USP7: variants seen among roughly 807,000 people sequenced by gnomAD.
USP7 encodes ubiquitin specific peptidase 7, also known as ubiquitin C-terminal hydrolase 7.
In USP7, 9 loss-of-function variants were observed where a neutral mutation model predicts 162.9. The observed-to-expected ratio is 0.06, with a 90% confidence interval of 0.03 to 0.10. USP7 has a LOEUF of 0.10. Among genes scored for constraint, USP7 ranks in the 10% least tolerant of loss-of-function variants. The pLI is 1.00. For missense variants in USP7, 715 were observed against 1,373.7 expected (o/e 0.52, Z 7.58); for synonymous variants, 562 against 475.9 (o/e 1.18, Z -2.35).
At chr16:8,894,169 T>C (rs893433414) in intron 30 of USP7, 65 bp from the exon 31 acceptor site, 76 of 1,475,868 alleles carry the variant, frequency 5.1e-5, no homozygotes, top group Non-Finnish European at 6.7e-5. Context: ...AGCGGGGTGG[T>C]GGCCAGTGAG....
At chr16:8,894,901 C>T (rs751022644) in intron 28 of USP7, 46 bp from the exon 29 acceptor site, 1 of 1,614,106 alleles carries the variant, frequency 6.2e-7, no homozygotes, top group Admixed American at 1.7e-5. Context: ...TCCCAGCACC[C>T]CCAGGCCACG....
At chr16:8,947,560 C>T (rs901364431) in intron 1 of USP7, among the ~76,000 whole-genome samples, 1 of 152,212 alleles carries the variant, frequency 6.6e-6, no homozygotes, top group African/African-American at 2.4e-5. Flanking sequence ...GTTGCCCAGG[C>T]TCGTCTCGAA....
intron 2 of USP7, among the ~76,000 whole-genome samples, chr16:8,926,018 G>A (rs1255739813): frequency 6.6e-6 from 1 of 152,092 alleles, no homozygotes; most frequent in African/African-American, 2.4e-5. Context: ...GCCGGGTGCA[G>A]AGGCTGGCGC....
chr16:8,941,473 G>A (rs988641684), intron 1 of USP7, among the ~76,000 whole-genome samples: 13 of 152,250 alleles, frequency 8.5e-5, no homozygotes, highest in African/African-American at 2.9e-4. Context: ...ATCTCCAGCC[G>A]CATTTCAGCA....
At chr16:8,937,903 G>A (rs988427337) in intron 1 of USP7, among the ~76,000 whole-genome samples, 1 of 152,144 alleles carries the variant, frequency 6.6e-6, no homozygotes, top group African/African-American at 2.4e-5. Flanking sequence ...GGGAGCAAGA[G>A]GGGGAGAGAA....
At chr16:8,931,146 A>G (rs1898307967) in intron 1 of USP7, among the ~76,000 whole-genome samples, 2 of 151,970 alleles carry the variant, frequency 1.3e-5, no homozygotes, top group South Asian at 4.1e-4. Context: ...AATGGTATAC[A>G]TTAAAACAAA....
At chr16:8,912,943 G>C (rs1278085558) in intron 10 of USP7, among the ~76,000 whole-genome samples, 2 of 152,192 alleles carry the variant, frequency 1.3e-5, no homozygotes, top group African/African-American at 4.8e-5. Flanking sequence ...TCAAGACAGA[G>C]CAACAGAAAC....
chr16:8,894,517 C>G lies in USP7; in HGVS notation c.3202+33G>C, dbSNP rs773901125. ...ACCACTTGTTTCTTAGTCTGAAACC[C>G]ACACCAGCCCCCGGGGGGGGGAGAA... On this transcript the variant is annotated intron_variant, in intron 30 of 30. Coordinates refer to ENST00000344836, the MANE Select transcript of USP7 (RefSeq NM_003470.3). 8 of 1,551,608 alleles carry G rather than the reference C, an allele frequency of 5.2e-6. No individual in the cohort carries two copies. In the South Asian group the frequency reaches 9.1e-5, roughly 18 times the overall value.
intron 12 of USP7, among the ~76,000 whole-genome samples, 157 bp from the exon 13 acceptor site, chr16:8,906,739 C>T (rs1023240451): frequency 3.3e-5 from 5 of 152,128 alleles, no homozygotes; most frequent in African/African-American, 1.2e-4. Flanking sequence ...GTAATCCGTA[C>T]TTGATAGAAA....
intron 26 of USP7, among the ~76,000 whole-genome samples, chr16:8,896,137 C>CA (rs2061678228): frequency 7.9e-6 from 1 of 126,138 alleles, no homozygotes; most frequent in African/African-American, 3.0e-5. Context: ...CCATGCCCAG[C>CA]TTTTTTTTTT....
At chr16:8,912,635 G>C (rs1022465669) in intron 10 of USP7, among the ~76,000 whole-genome samples, 1 of 151,144 alleles carries the variant, frequency 6.6e-6, no homozygotes, top group South Asian at 2.1e-4. Context: ...GAAAGCAAAA[G>C]CATACTAAGA....
chr16:8,892,177 G>C lies in USP7; in HGVS notation c.*1821C>G, dbSNP rs2061607950. ...AAGACTACAGCCAACCCCCAGCCCA[G>C]AACAAAAACAAGACACCTTAATGTT... On this transcript the variant is annotated 3_prime_UTR_variant, in exon 31 of 31. Transcript: ENST00000344836. The C allele has an allele frequency of 6.6e-6, 1 of 152,198 alleles. No homozygotes were observed. The highest frequency in any genetic ancestry group is 6.6e-5 in the Admixed American group (1 of 15,264). The allele number at this position is 152,198 out of a possible 1,614,324, so 9.4% of individuals were successfully genotyped here.
intron 1 of USP7, among the ~76,000 whole-genome samples, chr16:8,936,937 A>C (rs1898772040): frequency 6.6e-6 from 1 of 152,216 alleles, no homozygotes; most frequent in South Asian, 2.1e-4. Flanking sequence ...CTGGTGATAT[A>C]AATTGTTAAC....
rs2061610625 is a variant in USP7 at position 8,892,358 on chromosome 16, C to G, written c.*1640G>C. On this transcript the variant is annotated 3_prime_UTR_variant, in exon 31 of 31. Transcript: ENST00000344836. ...GGCAGCTCTCAGAGCAGAAGGCACACACACTGCAGTGGAAGTTGAGAAAGG... is the reference window on the plus strand; with the variant it reads ...GGCAGCTCTCAGAGCAGAAGGCACAGACACTGCAGTGGAAGTTGAGAAAGG... The G allele has an allele frequency of 6.6e-6, 1 of 152,348 alleles. No individual in the cohort carries two copies. The highest frequency in any genetic ancestry group is 1.9e-4 in the East Asian group (1 of 5,194). The allele number at this position is 152,348 out of a possible 1,614,324, so 9.4% of individuals were successfully genotyped here.
In USP7 at chr16:8,897,284, T is replaced by C. The variant is rs1238687330; in HGVS notation, c.2719-185A>G. The C allele has an allele frequency of 3.1e-5, 18 of 590,136 alleles. No homozygotes were observed. In the East Asian group the frequency reaches 5.2e-4, roughly 17 times the overall value. The allele number at this position is 590,136 out of a possible 1,614,324, so 36.6% of individuals were successfully genotyped here. On this transcript the variant is annotated intron_variant, in intron 25 of 30. Transcript: ENST00000344836. ...TCACTCACAGTGAGGACACTGGCCC[T>C]AATCTAGGACCAACCAAATACTGAC...
chr16:8,929,603 T>G (rs1898201404), intron 2 of USP7: 5 of 456,052 alleles, frequency 1.1e-5, no homozygotes, highest in South Asian at 7.7e-5. Context: ...GAACATGGTT[T>G]CATATTACAC....
chr16:8,927,997 C>G (rs1479955825), intron 2 of USP7, among the ~76,000 whole-genome samples: 3 of 152,224 alleles, frequency 2.0e-5, no homozygotes, highest in Admixed American at 6.5e-5. Context: ...ATTAGCCACA[C>G]ATGGCGGTAC....
intron 1 of USP7, among the ~76,000 whole-genome samples, chr16:8,945,915 C>T (rs1300546869): frequency 1.3e-5 from 2 of 151,938 alleles, no homozygotes; most frequent in African/African-American, 4.8e-5. Context: ...AAAAAAACAA[C>T]AGCACTGATT....
In USP7 at chr16:8,893,887, C is replaced by A; in HGVS notation, c.*111G>T. ...CTCAATAAAATAAAATTAACACCAG[C>A]AGCGAATCCTCTTGCTGAAGACTTC... On this transcript the variant is annotated 3_prime_UTR_variant, in exon 31 of 31. Coordinates refer to ENST00000344836, the MANE Select transcript of USP7 (RefSeq NM_003470.3). 2 of 903,754 alleles carry A rather than the reference C, an allele frequency of 2.2e-6. No individual in the cohort carries two copies. Among genetic ancestry groups the A allele is most frequent in the Non-Finnish European group, 3.6e-6 (2 of 550,926 alleles). The allele number at this position is 903,754 out of a possible 1,614,324, so 56.0% of individuals were successfully genotyped here.
Sources: allele counts gnomAD v4.1 joint callset (sites outside exome capture counted in the v4.1 genomes callset), GRCh38; gene constraint gnomAD v4.1.1; transcripts MANE v1.5; gene names NCBI Gene and HGNC (gene_info 2026-07-23, HGNC 2026-07-21).